Variants in ZNF609 observed in about 807,000 individuals in gnomAD.
ZNF609 encodes zinc finger protein 609.
ZNF609 carries 11 observed loss-of-function variants against 109.5 expected under a neutral mutation model. The observed-to-expected ratio is 0.10, with a 90% CI of 0.06 to 0.17. ZNF609 has a LOEUF of 0.17. Ranked by LOEUF, ZNF609 falls within the 10% of genes least tolerant of loss-of-function variation. The pLI is 1.00. For missense variants in ZNF609, 1,559 were observed against 1,772.4 expected, an observed-to-expected ratio of 0.88 and a Z score of 2.16; for synonymous variants, 646 against 662.0, an observed-to-expected ratio of 0.98 and a Z score of 0.37.
intron 2 of ZNF609, among the ~76,000 whole-genome samples, chr15:64,541,839 C>CAAA (rs59597800): frequency 1.6e-3 from 68 of 42,090 alleles, no homozygotes; most frequent in Non-Finnish European, 2.3e-3. Flanking sequence ...GACTCCAACT[C>CAAA]AAAAAAAAAA....
At chr15:64,609,130 T>TTCTTTCTTTCTTTTTCTTTCTTTCTTTC (rs750700444) in intron 2 of ZNF609, among the ~76,000 whole-genome samples, 1 of 84,120 alleles carries the variant, frequency 1.2e-5, no homozygotes, top group East Asian at 3.8e-4. Flanking sequence ...CTTTCTTTCT[T>TTCTTTCTTTCTTTTTCTTTCTTTCTTTC]TTTTTCTTTC....
intron 2 of ZNF609, among the ~76,000 whole-genome samples, chr15:64,524,441 G>A (rs932198127): frequency 5.3e-5 from 8 of 152,082 alleles, no homozygotes; most frequent in African/African-American, 1.9e-4. Flanking sequence ...GCACATGCCT[G>A]TAGTCCCAGC....
At chr15:64,463,625 A>G (rs1398083172) in intron 1 of ZNF609, among the ~76,000 whole-genome samples, 1 of 152,180 alleles carries the variant, frequency 6.6e-6, no homozygotes, top group Non-Finnish European at 1.5e-5. Flanking sequence ...TAGTCTGTCT[A>G]TGGTGCCTCC....
At chr15:64,623,935 A>G (rs1277026370) in intron 3 of ZNF609, among the ~76,000 whole-genome samples, 2 of 151,962 alleles carry the variant, frequency 1.3e-5, no homozygotes, top group African/African-American at 4.8e-5. Flanking sequence ...AACTGTCCTC[A>G]CTCTGAGGAG....
At chr15:64,573,857 T>A (rs539826360) in intron 2 of ZNF609, among the ~76,000 whole-genome samples, 1 of 152,108 alleles carries the variant, frequency 6.6e-6, no homozygotes, top group African/African-American at 2.4e-5. Flanking sequence ...CCAAACACAG[T>A]TGGATGGAGT....
chr15:64,681,229 C>T lies in ZNF609; in HGVS notation c.4163-80C>T, dbSNP rs1896880840. On this transcript the variant is annotated intron_variant, in intron 8 of 9. Transcript: ENST00000326648. ...CTGAGTATCAGATTTTTTTTTCTGT[C>T]AGCACCCCAAAACTCAGGGAAAAAG... The T allele has an allele frequency of 3.0e-6, 4 of 1,329,244 alleles. No homozygotes were observed. The Admixed American group carries it at 5.8e-5, about 19-fold the overall frequency. 82.3% of individuals were successfully genotyped at this position (1,329,244 alleles called of 1,614,324 possible). A position where few individuals can be genotyped will look rare whatever the true frequency, so the allele number is the denominator to read the frequency against.
chr15:64,487,152 AT>A (rs1596380853), intron 1 of ZNF609, among the ~76,000 whole-genome samples: 2 of 151,750 alleles, frequency 1.3e-5, no homozygotes, highest in African/African-American at 4.8e-5. Context: ...TTTCTGATTA[AT>A]TTTTTTCAGA....
intron 3 of ZNF609, among the ~76,000 whole-genome samples, chr15:64,657,993 A>C (rs976738115): frequency 3.3e-5 from 5 of 152,172 alleles, no homozygotes; most frequent in African/African-American, 1.2e-4. Flanking sequence ...CAAACTGGGC[A>C]AGCAAATCCC....
chr15:64,486,154 T>G (rs1893329820), intron 1 of ZNF609, among the ~76,000 whole-genome samples: 1 of 152,310 alleles, frequency 6.6e-6, no homozygotes, highest in African/African-American at 2.4e-5. Context: ...GATTGGTACA[T>G]TATATAATAA....
At chr15:64,500,556 A>G in intron 2 of ZNF609, 1 of 608,370 alleles carries the variant, frequency 1.6e-6, no homozygotes, top group Non-Finnish European at 2.9e-6. Context: ...ATAATAGTTG[A>G]TAAACAATAC....
intron 2 of ZNF609, among the ~76,000 whole-genome samples, chr15:64,575,683 C>G (rs1470594313): frequency 6.6e-6 from 1 of 152,058 alleles, no homozygotes; most frequent in Non-Finnish European, 1.5e-5. Context: ...TGTATATTTA[C>G]AAAAAGGTTA....
At chr15:64,573,173 A>G (rs1178470559) in intron 2 of ZNF609, among the ~76,000 whole-genome samples, 1 of 151,934 alleles carries the variant, frequency 6.6e-6, no homozygotes, top group Non-Finnish European at 1.5e-5. Flanking sequence ...ATGAGATGAG[A>G]AAGTAAGCAG....
At chr15:64,543,438 G>GT (rs1894304541) in intron 2 of ZNF609, among the ~76,000 whole-genome samples, 1 of 139,726 alleles carries the variant, frequency 7.2e-6, no homozygotes, top group South Asian at 2.2e-4. Flanking sequence ...CTTTTTGTTT[G>GT]TTTTTTGCTT....
intron 1 of ZNF609, among the ~76,000 whole-genome samples, chr15:64,483,106 T>TC (rs1300159751): frequency 2.6e-5 from 4 of 151,974 alleles, no homozygotes; most frequent in African/African-American, 7.2e-5. Flanking sequence ...TTTTTTTTTT[T>TC]CCCCCTGAGA....
At chr15:64,680,560 CTTGT>C in intron 7 of ZNF609, 82 bp from the exon 8 acceptor site, 1 of 1,253,772 alleles carries the variant, frequency 8.0e-7, no homozygotes, top group East Asian at 2.3e-5. Flanking sequence ...GGGCATCTCA[CTTGT>C]GTGTGTGTGT....
At chr15:64,536,593 C>A (rs1199048668) in intron 2 of ZNF609, among the ~76,000 whole-genome samples, 2 of 151,952 alleles carry the variant, frequency 1.3e-5, no homozygotes, top group Admixed American at 1.3e-4. Context: ...AATACTAGAA[C>A]TGGCCGGGCT....
rs898549206 is a variant in ZNF609, at chr15:64,565,148, C to G, written c.748-57679C>G. On this transcript the variant is annotated intron_variant, in intron 2 of 9. Coordinates refer to ENST00000326648, the MANE Select transcript of ZNF609 (RefSeq NM_015042.2). ...GATCTCTGTTTACTGCAACCTCTGC[C>G]TCCTGGGTTCAAGCAATTCTCCTGC... 2.7e-5 allele frequency among the ~76,000 whole-genome samples: 4 copies of G among 150,212 alleles called. No homozygotes were observed. The East Asian group carries it at 7.7e-4, about 29-fold the overall frequency.
chr15:64,569,724 T>A (rs1235852314), intron 2 of ZNF609, among the ~76,000 whole-genome samples: 3 of 152,238 alleles, frequency 2.0e-5, no homozygotes, highest in African/African-American at 7.2e-5. Context: ...GAACAGAAAT[T>A]TGTTGTTCAA....
At chr15:64,602,423 C>A (rs1051633730) in intron 2 of ZNF609, among the ~76,000 whole-genome samples, 4 of 152,132 alleles carry the variant, frequency 2.6e-5, no homozygotes, top group African/African-American at 9.7e-5. Flanking sequence ...GTAGTAATTA[C>A]CCCAGAGGGT....
Sources: gnomAD v4.1 joint callset for allele counts (sites outside exome capture counted in the v4.1 genomes callset) on GRCh38, gnomAD v4.1.1 for gene constraint, MANE v1.5 for transcripts, NCBI Gene and HGNC (gene_info 2026-07-23, HGNC 2026-07-21) for gene names.